L3MBTL4: variants seen among roughly 807,000 people sequenced by gnomAD.
L3MBTL4 encodes L3MBTL histone methyl-lysine binding protein 4.
In L3MBTL4, 70 loss-of-function variants were observed where a neutral mutation model predicts 84.5. The ratio of observed to expected loss-of-function variants is 0.83; its 90% confidence interval spans 0.68 to 1.01. The LOEUF (loss-of-function observed/expected upper bound fraction) is 1.01, where lower values mean the gene tolerates loss of function less well. L3MBTL4 is among the 50% of genes least tolerant of loss of function. L3MBTL4 has a pLI of 0.00. For missense variants in L3MBTL4, 715 were observed against 754.8 expected (o/e 0.95, Z 0.62); for synonymous variants, 274 against 259.8 (o/e 1.05, Z -0.52).
intron 17 of L3MBTL4, among the ~76,000 whole-genome samples, chr18:5,968,697 TAAATAAAATA>T (rs34548706): frequency 0.41 from 57,991 of 141,952 alleles, 12,318 homozygotes; most frequent in East Asian, 0.8. Context: ...ACCTTGTCTC[TAAATAAAATA>T]AAATAAAATA....
At chr18:5,964,350 T>C (rs1030967708) in intron 17 of L3MBTL4, among the ~76,000 whole-genome samples, 11 of 152,222 alleles carry the variant, frequency 7.2e-5, no homozygotes, top group African/African-American at 2.7e-4. Flanking sequence ...GCAGGACTCA[T>C]GTTCTTCCGT....
intron 16 of L3MBTL4, among the ~76,000 whole-genome samples, chr18:5,992,508 G>A (rs1238629863): frequency 6.6e-6 from 1 of 152,172 alleles, no homozygotes; most frequent in East Asian, 1.9e-4. Context: ...CTCACGGGGA[G>A]CGATATAGTT....
chr18:6,350,804 C>T (rs2053146443), intron 1 of L3MBTL4, among the ~76,000 whole-genome samples: 2 of 152,070 alleles, frequency 1.3e-5, no homozygotes, highest in South Asian at 4.1e-4. Context: ...TTCACAATAG[C>T]CAAAGAGTAG....
intron 16 of L3MBTL4, among the ~76,000 whole-genome samples, chr18:6,052,256 T>A (rs2056867534): frequency 6.6e-6 from 1 of 152,228 alleles, no homozygotes. Context: ...TGCTACCAAC[T>A]GGAAATTCCT....
chr18:6,295,193 A>C (rs1395991426), intron 4 of L3MBTL4, among the ~76,000 whole-genome samples: 1 of 151,760 alleles, frequency 6.6e-6, no homozygotes, highest in African/African-American at 2.4e-5. Context: ...AATCGTTTGA[A>C]CCTGGGAGGC....
At chr18:6,311,035 C>G (rs1044756597) in intron 3 of L3MBTL4, among the ~76,000 whole-genome samples, 19 of 152,136 alleles carry the variant, frequency 1.2e-4, no homozygotes, top group African/African-American at 4.3e-4. Context: ...CTCCCTGGGC[C>G]TCCTGCCTAT....
chr18:6,113,341 T>C lies in L3MBTL4; in HGVS notation c.1200-19813A>G, dbSNP rs184703244. 1.9e-3 allele frequency among the ~76,000 whole-genome samples: 290 copies of C among 151,366 alleles called. 1 individual carries two copies. The highest frequency in any genetic ancestry group is 3.6e-3 in the Non-Finnish European group (244 of 67,954). The stretch of plus-strand genomic sequence containing the variant: ...TCTTCTGTTTTTAGAAACTGTGATA[T>C]AGAGGATAACAAAGACTGTAAAAGA... On this transcript the variant is annotated intron_variant, in intron 14 of 18. Coordinates refer to ENST00000317931, the MANE Select transcript of L3MBTL4 (RefSeq NM_001330559.2).
chr18:5,982,009 T>TGTGTGTGTGTGTGTGTG (rs1567946143), intron 16 of L3MBTL4, among the ~76,000 whole-genome samples: 1 of 95,458 alleles, frequency 1.0e-5, no homozygotes, highest in African/African-American at 7.8e-5. Context: ...TGTGTGTGTG[T>TGTGTGTGTGTGTGTGTG]TTTGGGAAAA....
chr18:6,353,402 G>T (rs1292146776), intron 1 of L3MBTL4, among the ~76,000 whole-genome samples: 1 of 152,096 alleles, frequency 6.6e-6, no homozygotes, highest in Admixed American at 6.5e-5. Flanking sequence ...GAATTCTGTG[G>T]ACACTGGTTA....
intron 14 of L3MBTL4, among the ~76,000 whole-genome samples, chr18:6,122,410 G>A (rs949544499): frequency 1.3e-5 from 2 of 152,216 alleles, no homozygotes; most frequent in South Asian, 4.1e-4. Flanking sequence ...GAGGGACCCA[G>A]TTGGAGGTAA....
intron 16 of L3MBTL4, among the ~76,000 whole-genome samples, chr18:6,037,173 C>G (rs1280227221): frequency 6.6e-6 from 1 of 152,062 alleles, no homozygotes; most frequent in African/African-American, 2.4e-5. Flanking sequence ...CCTTTTTGCC[C>G]ACCCTTGCTC....
intron 13 of L3MBTL4, among the ~76,000 whole-genome samples, chr18:6,156,500 T>C (rs999854910): frequency 4.0e-5 from 6 of 149,040 alleles, no homozygotes; most frequent in African/African-American, 1.3e-4. Context: ...GGCAGGGATA[T>C]AGATACATAA....
intron 4 of L3MBTL4, among the ~76,000 whole-genome samples, chr18:6,293,589 CACTT>C (rs1418215064): frequency 2.6e-5 from 4 of 151,710 alleles, no homozygotes; most frequent in South Asian, 4.2e-4. Context: ...CCCTATAAAA[CACTT>C]ACTAATTCCA....
intron 16 of L3MBTL4, among the ~76,000 whole-genome samples, chr18:6,063,734 A>G (rs1378075283): frequency 6.6e-6 from 1 of 151,338 alleles, no homozygotes; most frequent in Non-Finnish European, 1.5e-5. Flanking sequence ...TTGTTTGAGT[A>G]CCCTGTAAAT....
chr18:6,291,446 T>C (rs777369297), intron 4 of L3MBTL4, among the ~76,000 whole-genome samples: 26 of 152,098 alleles, frequency 1.7e-4, no homozygotes, highest in Non-Finnish European at 2.8e-4. Context: ...GACTTCAAAA[T>C]TTACTATAAA....
At chr18:6,403,742 C>T (rs2055606201) in intron 1 of L3MBTL4, among the ~76,000 whole-genome samples, 1 of 152,200 alleles carries the variant, frequency 6.6e-6, no homozygotes, top group African/African-American at 2.4e-5. Context: ...AATCCCACTA[C>T]TGGGTATCTA....
At chr18:6,027,261 C>T (rs1383492040) in intron 16 of L3MBTL4, among the ~76,000 whole-genome samples, 1 of 152,126 alleles carries the variant, frequency 6.6e-6, no homozygotes, top group East Asian at 1.9e-4. Flanking sequence ...GTTCAACTCC[C>T]ACCTATGAGT....
chr18:6,316,750 G>C (rs2051121571), intron 1 of L3MBTL4, among the ~76,000 whole-genome samples: 1 of 152,166 alleles, frequency 6.6e-6, no homozygotes, highest in Non-Finnish European at 1.5e-5. Flanking sequence ...GTGCATCTGG[G>C]AGTTGGATCA....
chr18:6,170,000 A>G (rs936415316), intron 13 of L3MBTL4, among the ~76,000 whole-genome samples: 3 of 152,166 alleles, frequency 2.0e-5, no homozygotes, highest in African/African-American at 4.8e-5. Flanking sequence ...GATTTAATTG[A>G]GCACATGCTA....
Sources: allele counts gnomAD v4.1 joint callset (sites outside exome capture counted in the v4.1 genomes callset), GRCh38; gene constraint gnomAD v4.1.1; transcripts MANE v1.5; gene names NCBI Gene and HGNC (gene_info 2026-07-23, HGNC 2026-07-21).